Variants in ADGRL2 observed in about 807,000 individuals in gnomAD.
ADGRL2 encodes the protein adhesion G protein-coupled receptor L2.
ADGRL2 carries 44 observed loss-of-function variants against 157.4 expected under a neutral mutation model. That is an observed-to-expected ratio of 0.28 (90% CI 0.22 to 0.36). ADGRL2 has a LOEUF of 0.36. Among genes scored for constraint, ADGRL2 ranks in the 10% least tolerant of loss-of-function variants. The probability of loss-of-function intolerance (pLI) is 1.00; values close to 1 mark genes in which losing one functional copy is unlikely to be tolerated. For synonymous variants in ADGRL2, 585 were observed against 624.7 expected (o/e 0.94, Z 0.95); for missense variants, 1,510 against 1,768.9 (o/e 0.85, Z 2.63).
chr1:81,613,748 A>G (rs61773227), intron 3 of ADGRL2, among the ~76,000 whole-genome samples: 6,914 of 152,310 alleles, frequency 0.045, 227 homozygotes, highest in East Asian at 0.13. Flanking sequence ...GTATAAAAAT[A>G]GCTAGGAGTG....
intron 2 of ADGRL2, among the ~76,000 whole-genome samples, chr1:81,520,640 C>T (rs999701782): frequency 9.9e-5 from 15 of 152,140 alleles, no homozygotes; most frequent in African/African-American, 3.1e-4. Flanking sequence ...ACTCTCTTGC[C>T]TGCCTCCACG....
chr1:81,338,131 G>T (rs1246191817), intron 1 of ADGRL2, among the ~76,000 whole-genome samples: 1 of 152,140 alleles, frequency 6.6e-6, no homozygotes, highest in African/African-American at 2.4e-5. Context: ...GGGAGGCCTA[G>T]GGTGGCAGAT....
chr1:81,453,649 G>A (rs1169689933), intron 2 of ADGRL2, among the ~76,000 whole-genome samples: 1 of 152,144 alleles, frequency 6.6e-6, no homozygotes, highest in Non-Finnish European at 1.5e-5. Context: ...AACTCTGTCT[G>A]TATTAAATAT....
intron 2 of ADGRL2, among the ~76,000 whole-genome samples, chr1:81,773,061 A>G (rs1006895919): frequency 2.0e-5 from 3 of 152,224 alleles, no homozygotes; most frequent in African/African-American, 7.2e-5. Context: ...TGGTGCTTAT[A>G]GTGGGCAGTG....
At chr1:81,913,740 C>T (rs1044275332) in intron 3 of ADGRL2, among the ~76,000 whole-genome samples, 2 of 152,016 alleles carry the variant, frequency 1.3e-5, no homozygotes, top group African/African-American at 4.8e-5. Context: ...GAAGGAGTGG[C>T]AATTTGATAT....
At chr1:81,338,056 A>G (rs1180372570) in intron 1 of ADGRL2, among the ~76,000 whole-genome samples, 1 of 152,180 alleles carries the variant, frequency 6.6e-6, no homozygotes, top group Non-Finnish European at 1.5e-5. Context: ...AGTGGTATTG[A>G]CTTACTACAA....
chr1:81,365,233 G>T (rs1269136385), intron 1 of ADGRL2, among the ~76,000 whole-genome samples: 7 of 152,150 alleles, frequency 4.6e-5, no homozygotes, highest in Non-Finnish European at 8.8e-5. Context: ...TAGAAGTCAG[G>T]AATTGGAAGA....
At chr1:81,579,120 A>G (rs1050570228) in intron 2 of ADGRL2, among the ~76,000 whole-genome samples, 2 of 152,148 alleles carry the variant, frequency 1.3e-5, no homozygotes, top group African/African-American at 4.8e-5. Flanking sequence ...CTTACTATCA[A>G]TGAGTCTGAA....
chr1:81,916,703 G>A (rs1435068050), intron 3 of ADGRL2, among the ~76,000 whole-genome samples: 2 of 152,026 alleles, frequency 1.3e-5, no homozygotes, highest in South Asian at 2.1e-4. Flanking sequence ...ACTGAAATAT[G>A]CTGTTTATTA....
intron 1 of ADGRL2, among the ~76,000 whole-genome samples, chr1:81,339,212 G>T (rs779939087): frequency 2.0e-5 from 3 of 152,234 alleles, no homozygotes; most frequent in African/African-American, 4.8e-5. Context: ...TAGGGAAGGC[G>T]CTCCATTTCA....
chr1:81,949,898 T>G (rs1181791277), intron 6 of ADGRL2, among the ~76,000 whole-genome samples: 3 of 152,214 alleles, frequency 2.0e-5, no homozygotes, highest in Non-Finnish European at 2.9e-5. Context: ...ATACTTAAAC[T>G]GTACTATCAC....
At chr1:81,980,044 C>T in intron 18 of ADGRL2, 84 bp downstream of exon 18, 1 of 741,100 alleles carries the variant, frequency 1.3e-6, no homozygotes, top group East Asian at 2.7e-5. Flanking sequence ...TTTCTACCTT[C>T]TATCAACTGT....
chr1:81,909,928 G>T (rs2094674626), intron 3 of ADGRL2, among the ~76,000 whole-genome samples: 2 of 151,884 alleles, frequency 1.3e-5, no homozygotes. Flanking sequence ...GTTATAAATT[G>T]GTGTTTAGCC....
chr1:81,833,205 A>G (rs901458416), intron 1 of ADGRL2, among the ~76,000 whole-genome samples: 1 of 152,236 alleles, frequency 6.6e-6, no homozygotes, highest in Admixed American at 6.5e-5. Flanking sequence ...TATTTAGTAC[A>G]TAGAATTTAG....
chr1:81,692,241 T>C lies in ADGRL2; in HGVS notation c.-142-69570T>C, dbSNP rs569011513. 4.6e-5 allele frequency among the ~76,000 whole-genome samples: 7 copies of C among 152,132 alleles called. No individual in the cohort carries two copies. In the South Asian group the frequency reaches 1.5e-3, roughly 32 times the overall value. ...GGCCAACATGGCGAAACCCCATCTC[T>C]ACTAAAAATACAAAAATTAGCTGCA... On this transcript the variant is annotated intron_variant, in intron 3 of 24. Coordinates refer to the ADGRL2 transcript ENST00000370721.
At position 81,565,210 on chromosome 1, in the gene ADGRL2, A is replaced by G. The variant is rs112834015; in HGVS notation, c.-247-15666A>G. 7.2e-3 allele frequency among the ~76,000 whole-genome samples: 1,094 copies of G among 152,268 alleles called. 21 individuals carry two copies. The highest frequency in any genetic ancestry group is 0.025 in the African/African-American group (1,047 of 41,556). On this transcript the variant is annotated intron_variant, in intron 2 of 24. Transcript: ENST00000370721. ...TTTCCTGACTGTGATTCAGGGACAT[A>G]GTGCTACTATGAAGTTTAAATAAGA...
In ADGRL2 at chr1:81,951,059, A is replaced by G. The variant is rs763242537; in HGVS notation, c.1546A>G (p.Asn516Asp). Residue 516 changes from asparagine (N) to aspartate (D), a missense_variant, in exon 8 of 24, where the codon AAC (asparagine) becomes GAC (aspartate). Around this residue, in one of 4 missense-constraint regions of ADGRL2, gnomAD observed 325 missense variants for 333.2 expected, o/e 0.98. Coordinates refer to ENST00000686636, the MANE Select transcript of ADGRL2 (RefSeq NM_001366006.2). ...CTGCATGATTTCCACTGGAACATGG[A>G]ACCCTAAGGGCCCCGATCTTAGCAA... The part of the protein sequence containing the change: ...YLCMISTGTW[N>D]PKGPDLSNCT... The G allele has an allele frequency of 6.2e-7, 1 of 1,613,610 alleles. No individual in the cohort carries two copies. The highest frequency in any genetic ancestry group is 1.1e-5 in the South Asian group (1 of 91,068).
At chr1:81,645,708 C>T (rs2082302203) in intron 3 of ADGRL2, among the ~76,000 whole-genome samples, 1 of 152,004 alleles carries the variant, frequency 6.6e-6, no homozygotes, top group Non-Finnish European at 1.5e-5. Context: ...CAATTGCTAC[C>T]TAGTGTGTCA....
chr1:81,381,556 G>C (rs1240218020), intron 1 of ADGRL2, among the ~76,000 whole-genome samples: 1 of 152,036 alleles, frequency 6.6e-6, no homozygotes, highest in Non-Finnish European at 1.5e-5. Context: ...CTTGGGGGCA[G>C]AGCAAGATTT....
Sources: allele counts gnomAD v4.1 joint callset (sites outside exome capture counted in the v4.1 genomes callset), GRCh38; gene constraint gnomAD v4.1.1; regional missense constraint gnomAD v4.1.1; transcripts MANE v1.5; gene names NCBI Gene and HGNC (gene_info 2026-07-23, HGNC 2026-07-21).